The following FARS2 variants were observed in gnomAD, a reference collection of about 807,000 sequenced individuals.
FARS2 encodes phenylalanyl-tRNA synthetase 2, mitochondrial.
Under a neutral mutation model 46.4 loss-of-function variants are expected in FARS2, and 40 were observed. That is an observed-to-expected ratio of 0.86 (90% CI 0.67 to 1.12). The LOEUF is 1.12. Ranked by LOEUF, FARS2 falls within the 50% of genes most tolerant of loss-of-function variation. The pLI, the probability that FARS2 is intolerant of heterozygous loss-of-function variation, is 0.00. For missense variants in FARS2, 513 were observed against 567.9 expected, an observed-to-expected ratio of 0.90 and a Z score of 0.98; for synonymous variants, 234 against 214.9, an observed-to-expected ratio of 1.09 and a Z score of -0.78.
chr6:5,513,980 T>C (rs1021223875), intron 4 of FARS2, among the ~76,000 whole-genome samples: 2 of 152,002 alleles, frequency 1.3e-5, no homozygotes, highest in Non-Finnish European at 2.9e-5. Context: ...TATCTCTTCA[T>C]TGGGGATTTG....
At chr6:5,694,700 C>T (rs1561806068) in intron 6 of FARS2, among the ~76,000 whole-genome samples, 1 of 152,130 alleles carries the variant, frequency 6.6e-6, no homozygotes, top group Middle Eastern at 3.4e-3. Context: ...AAGGAGGAAT[C>T]CTATATGGAA....
intron 1 of FARS2, among the ~76,000 whole-genome samples, chr6:5,278,325 G>A (rs980102649): frequency 1.3e-5 from 2 of 152,220 alleles, no homozygotes; most frequent in African/African-American, 4.8e-5. Flanking sequence ...AATAAGGAGG[G>A]TGTGTAGACA....
At chr6:5,260,612 C>A (rs1415901083), upstream of FARS2, 3 of 775,762 alleles carry the variant, frequency 3.9e-6, no homozygotes, top group Non-Finnish European at 6.1e-6. Flanking sequence ...CGGCCCCTGG[C>A]CCCCCGCCCC....
intron 1 of FARS2, among the ~76,000 whole-genome samples, chr6:5,342,697 A>G (rs1228399449): frequency 6.6e-6 from 1 of 151,890 alleles, no homozygotes; most frequent in Non-Finnish European, 1.5e-5. Context: ...GGTTGCAGTG[A>G]GCCGAGATCA....
At chr6:5,330,197 T>C (rs1337485651) in intron 1 of FARS2, among the ~76,000 whole-genome samples, 1 of 152,192 alleles carries the variant, frequency 6.6e-6, no homozygotes, top group East Asian at 1.9e-4. Flanking sequence ...ACAGAAATTT[T>C]AGGAGCCCCT....
rs146954382 is a variant in FARS2, at chr6:5,446,433, C to T, written c.904+15261C>T. Among the ~76,000 whole-genome samples the T allele has an allele frequency of 5.1e-3, 780 of 152,256 alleles. 9 individuals carry two copies. The highest frequency in any genetic ancestry group is 0.018 in the African/African-American group (734 of 41,524). On this transcript the variant is annotated intron_variant, in intron 4 of 6. Transcript: ENST00000274680. Reference sequence around the variant, plus strand: ...CTCCATTTAGTAGAATCAGCCTTCCCTCTTTTCTTCCATCCCTGAAGCAAA... The same window carrying T: ...CTCCATTTAGTAGAATCAGCCTTCCTTCTTTTCTTCCATCCCTGAAGCAAA...
In FARS2 at chr6:5,765,058, C is replaced by T. The variant is rs1195680396; in HGVS notation, c.1218-6233C>T. ...TAGTTTTGAGAATGCTTCACTGATC[C>T]AGCCCTGACTATACTCAGCACCTAT... On this transcript the variant is annotated intron_variant, in intron 6 of 6. Transcript: ENST00000274680. The surrounding 1 kb of genome is among the most constrained non-coding windows in gnomAD (Gnocchi z 4.0). Among the ~76,000 whole-genome samples the T allele has an allele frequency of 6.6e-6, 1 of 152,174 alleles. No homozygotes were observed. Among genetic ancestry groups the T allele is most frequent in the African/African-American group, 2.4e-5 (1 of 41,436 alleles).
At chr6:5,746,585 C>G (rs983128485) in intron 6 of FARS2, among the ~76,000 whole-genome samples, 30 of 151,318 alleles carry the variant, frequency 2.0e-4, no homozygotes. Context: ...GTCCTGGCCT[C>G]CAGGTGGCAG....
At chr6:5,662,641 A>G (rs1450746746) in intron 6 of FARS2, among the ~76,000 whole-genome samples, 1 of 152,254 alleles carries the variant, frequency 6.6e-6, no homozygotes, top group Non-Finnish European at 1.5e-5. Context: ...TTCTACTTTC[A>G]GTTAATTATC....
At position 5,613,339 on chromosome 6, in the gene FARS2, G is replaced by T; in HGVS notation, c.1217+19G>T. The T allele has an allele frequency of 6.2e-7, 1 of 1,606,016 alleles. No individual in the cohort carries two copies. The highest frequency in any genetic ancestry group is 1.1e-5 in the South Asian group (1 of 89,832). ...ATCCAAAGTAAGTGAAAAGCTTTCT[G>T]ATTTTACCCTTGACTATCTCTGTGT... On this transcript the variant is annotated intron_variant, in intron 6 of 6. Transcript: ENST00000274680.
intron 6 of FARS2, among the ~76,000 whole-genome samples, chr6:5,631,180 T>C (rs1214470274): frequency 6.6e-6 from 1 of 152,142 alleles, no homozygotes; most frequent in Non-Finnish European, 1.5e-5. Context: ...GGAAAACAGA[T>C]AAGAGTTGAT....
intron 1 of FARS2, among the ~76,000 whole-genome samples, chr6:5,300,233 C>T (rs1581726659): frequency 6.6e-6 from 1 of 152,200 alleles, no homozygotes; most frequent in East Asian, 1.9e-4. Context: ...TTACCTGCTC[C>T]AAAACCTTTT....
At chr6:5,489,614 C>T (rs1766981263) in intron 4 of FARS2, among the ~76,000 whole-genome samples, 1 of 152,144 alleles carries the variant, frequency 6.6e-6, no homozygotes, top group Non-Finnish European at 1.5e-5. Flanking sequence ...ATGCTTCCAT[C>T]TCTTTCCTTC....
chr6:5,758,810 G>C (rs964738406), intron 6 of FARS2, among the ~76,000 whole-genome samples: 35 of 152,106 alleles, frequency 2.3e-4, no homozygotes, highest in African/African-American at 7.0e-4. Context: ...TGAGCCTTAG[G>C]GGTTCTGAGG....
intron 4 of FARS2, among the ~76,000 whole-genome samples, chr6:5,531,255 G>A (rs947383457): frequency 6.6e-6 from 1 of 152,214 alleles, no homozygotes; most frequent in South Asian, 2.1e-4. Context: ...AGCCCCTGCA[G>A]GGGGTGGTGC....
intron 5 of FARS2, among the ~76,000 whole-genome samples, chr6:5,578,800 C>G (rs1773142891): frequency 7.8e-6 from 1 of 127,574 alleles, no homozygotes; most frequent in African/African-American, 3.1e-5. Flanking sequence ...CAGAGCGGCA[C>G]TCCGTCTCAA....
chr6:5,597,089 G>A (rs1486270810), intron 5 of FARS2, among the ~76,000 whole-genome samples: 1 of 152,196 alleles, frequency 6.6e-6, no homozygotes, highest in East Asian at 1.9e-4. Flanking sequence ...AAGGCCTGGC[G>A]CTGGCACTGC....
chr6:5,252,135 T>G, the FARS2 span, among the ~76,000 whole-genome samples: 3 of 152,234 alleles, frequency 2.0e-5, no homozygotes, highest in African/African-American at 7.2e-5. Flanking sequence ...GGGAGCCTGT[T>G]TAACCATTTC....
chr6:5,677,483 G>A (rs920537698), intron 6 of FARS2, among the ~76,000 whole-genome samples: 13 of 152,242 alleles, frequency 8.5e-5, no homozygotes, highest in African/African-American at 2.9e-4. Flanking sequence ...TGGCAGTAGA[G>A]CATTTAAGTG....
Sources: gnomAD v4.1 joint callset for allele counts (sites outside exome capture counted in the v4.1 genomes callset) on GRCh38, gnomAD v4.1.1 for gene constraint, Gnocchi (gnomAD v3.1) non-coding constraint, MANE v1.5 for transcripts, NCBI Gene and HGNC (gene_info 2026-07-23, HGNC 2026-07-21) for gene names.